Variants in ANKRD30BL observed in about 807,000 individuals in gnomAD.
ANKRD30BL encodes ankyrin repeat domain 30B like.
ANKRD30BL carries 20 observed loss-of-function variants against 18.4 expected under a neutral mutation model. The observed-to-expected ratio is 1.09, with a 90% CI of 0.77 to 1.58. The LOEUF (loss-of-function observed/expected upper bound fraction) is 1.58, where lower values mean the gene tolerates loss of function less well. Among genes scored for constraint, ANKRD30BL ranks in the 40% most tolerant of loss-of-function variants. ANKRD30BL has a pLI of 0.00. For missense variants in ANKRD30BL, 224 were observed against 268.6 expected, an observed-to-expected ratio of 0.83 and a Z score of 1.16; for synonymous variants, 72 against 100.9, an observed-to-expected ratio of 0.71 and a Z score of 1.72.
chr2:132,162,203 G>A (rs1358128073), upstream of ANKRD30BL, among the ~76,000 whole-genome samples: 1 of 152,138 alleles, frequency 6.6e-6, no homozygotes, highest in Non-Finnish European at 1.5e-5. Context: ...GCAGCCTCCA[G>A]GGTGGCGCTG....
chr2:132,252,333 G>T (rs1242766614), intron 1 of ANKRD30BL, among the ~76,000 whole-genome samples: 2 of 152,364 alleles, frequency 1.3e-5, no homozygotes. Flanking sequence ...CAGCGGTGCT[G>T]CCCTGCCCCG....
chr2:132,162,971 C>T (rs892745313), upstream of ANKRD30BL, among the ~76,000 whole-genome samples: 6 of 152,292 alleles, frequency 3.9e-5, no homozygotes, highest in Admixed American at 3.9e-4. Flanking sequence ...CTTCAAGGTT[C>T]CTGAGAGCGC....
intron 1 of ANKRD30BL, among the ~76,000 whole-genome samples, chr2:132,173,000 C>T (rs1161047298): frequency 1.3e-5 from 2 of 152,020 alleles, no homozygotes; most frequent in African/African-American, 4.8e-5. Context: ...GCCACCACAC[C>T]TGGTCAACGG....
intron 1 of ANKRD30BL, among the ~76,000 whole-genome samples, chr2:132,207,758 G>A (rs2104753671): frequency 6.6e-6 from 1 of 152,228 alleles, no homozygotes; most frequent in Admixed American, 6.6e-5. Context: ...GGAAAGAAGG[G>A]TGGGAGTGTG....
At chr2:132,155,923 A>G (rs575465364) in intron 3 of ANKRD30BL, 25 of 152,086 alleles carry the variant, frequency 1.6e-4, no homozygotes, top group Admixed American at 1.0e-3. Flanking sequence ...GAAGAAAAAA[A>G]GAAAAGAAAT....
intron 1 of ANKRD30BL, among the ~76,000 whole-genome samples, chr2:132,183,552 C>G (rs1194768667): frequency 1.3e-5 from 2 of 151,812 alleles, no homozygotes; most frequent in Non-Finnish European, 2.9e-5. Flanking sequence ...CAAGGCAGCC[C>G]CAGGTGTAGA....
At chr2:132,171,779 G>A (rs186193598) in intron 1 of ANKRD30BL, among the ~76,000 whole-genome samples, 2,356 of 152,160 alleles carry the variant, frequency 0.015, 67 homozygotes, top group African/African-American at 0.053. Context: ...ACAGTTCAGA[G>A]GACATTACAT....
At chr2:132,198,324 C>CTTTCTTTTT (rs1387738908) in intron 1 of ANKRD30BL, among the ~76,000 whole-genome samples, 1 of 16,812 alleles carries the variant, frequency 5.9e-5, no homozygotes, top group African/African-American at 1.4e-4. Context: ...TTCTTTCTTT[C>CTTTCTTTTT]TTTTTTTTTT....
intron 1 of ANKRD30BL, among the ~76,000 whole-genome samples, chr2:132,206,218 G>A (rs1447590176): frequency 1.3e-5 from 2 of 152,082 alleles, no homozygotes; most frequent in Non-Finnish European, 2.9e-5. Context: ...AAAAAGAGAT[G>A]AGAAGTCAGT....
At chr2:132,215,952 T>G (rs1021939628) in intron 1 of ANKRD30BL, among the ~76,000 whole-genome samples, 5 of 151,948 alleles carry the variant, frequency 3.3e-5, no homozygotes, top group African/African-American at 7.2e-5. Context: ...TTCTTTTGAT[T>G]GAGCAGCTTT....
chr2:132,167,339 TATTTTG>T (rs1368012109), intron 1 of ANKRD30BL, among the ~76,000 whole-genome samples: 24 of 146,882 alleles, frequency 1.6e-4, no homozygotes, highest in African/African-American at 5.8e-4. Context: ...TATTTTATTT[TATTTTG>T]AGATAGAGCC....
intron 1 of ANKRD30BL, among the ~76,000 whole-genome samples, chr2:132,184,763 CT>C (rs1393117871): frequency 1.3e-5 from 2 of 151,770 alleles, no homozygotes; most frequent in African/African-American, 2.4e-5. Context: ...GGATTCCCCC[CT>C]AATCCCAGTG....
intron 1 of ANKRD30BL, among the ~76,000 whole-genome samples, chr2:132,169,054 A>G (rs1266111470): frequency 1.3e-5 from 2 of 152,048 alleles, no homozygotes; most frequent in African/African-American, 2.4e-5. Flanking sequence ...TATCTTTATC[A>G]CAGTGACCAA....
chr2:132,151,807 C>T (rs1332996155), intron 4 of ANKRD30BL, among the ~76,000 whole-genome samples: 1 of 151,794 alleles, frequency 6.6e-6, no homozygotes, highest in Non-Finnish European at 1.5e-5. Context: ...AATCAGATAA[C>T]CAAATTATAC....
intron 1 of ANKRD30BL, among the ~76,000 whole-genome samples, chr2:132,250,505 G>A (rs898697986): frequency 3.9e-5 from 6 of 152,216 alleles, no homozygotes; most frequent in Non-Finnish European, 8.8e-5. Flanking sequence ...GAATTCAACA[G>A]AAGTCCATGT....
intron 1 of ANKRD30BL, among the ~76,000 whole-genome samples, chr2:132,193,877 C>T (rs577859464): frequency 3.0e-4 from 45 of 151,512 alleles, no homozygotes; most frequent in African/African-American, 8.7e-4. Flanking sequence ...GCAGGCAAGT[C>T]CTGCTCTCTA....
At chr2:132,256,994 G>C (rs1442408148) in intron 1 of ANKRD30BL, 1 of 515,862 alleles carries the variant, frequency 1.9e-6, no homozygotes, top group East Asian at 5.5e-5. Flanking sequence ...GGGCCACCAG[G>C]AAAACACGGC....
At chr2:132,221,336 C>A (rs1315940474) in intron 1 of ANKRD30BL, among the ~76,000 whole-genome samples, 2 of 145,414 alleles carry the variant, frequency 1.4e-5, no homozygotes, top group South Asian at 2.2e-4. Context: ...GTCAGCCCCC[C>A]GCCCGGCCAG....
At chr2:132,207,966 T>A (rs538338822) in intron 1 of ANKRD30BL, among the ~76,000 whole-genome samples, 1 of 152,314 alleles carries the variant, frequency 6.6e-6, no homozygotes, top group Admixed American at 6.5e-5. Flanking sequence ...AGTATCCCAA[T>A]GTGAAATTGT....
Sources: allele counts gnomAD v4.1 joint callset (sites outside exome capture counted in the v4.1 genomes callset), GRCh38; gene constraint gnomAD v4.1.1; transcripts MANE v1.5; gene names NCBI Gene and HGNC (gene_info 2026-07-23, HGNC 2026-07-21).